The following ADAM9 variants were observed in gnomAD, a reference collection of about 807,000 sequenced individuals.
ADAM9 encodes the protein disintegrin and metalloproteinase domain-containing protein 9.
ADAM9 carries 54 observed loss-of-function variants against 108.1 expected under a neutral mutation model. The observed-to-expected ratio is 0.50, with a 90% CI of 0.40 to 0.63. ADAM9 has a LOEUF of 0.63. ADAM9 is among the 20% of genes least tolerant of loss of function. The pLI is 0.00. For missense variants in ADAM9, 830 were observed against 997.7 expected (o/e 0.83, Z 2.26); for synonymous variants, 316 against 336.0 (o/e 0.94, Z 0.65).
At chr8:39,037,458 G>GTGTGT (rs56848190) in intron 11 of ADAM9, among the ~76,000 whole-genome samples, 4,884 of 126,502 alleles carry the variant, frequency 0.039, 102 homozygotes, top group Non-Finnish European at 0.048. Context: ...GTGTGTGTGT[G>GTGTGT]TTTTTTTTTT....
intron 20 of ADAM9, among the ~76,000 whole-genome samples, chr8:39,098,815 C>T (rs867708348): frequency 6.6e-5 from 10 of 152,082 alleles, no homozygotes; most frequent in Non-Finnish European, 1.2e-4. Flanking sequence ...TGATTGTAAA[C>T]TCACCTTCTT....
At chr8:39,040,871 G>C (rs1837437591) in intron 11 of ADAM9, among the ~76,000 whole-genome samples, 1 of 152,136 alleles carries the variant, frequency 6.6e-6, no homozygotes, top group African/African-American at 2.4e-5. Context: ...TTCAATAAAT[G>C]GTTCTGGGGT....
In ADAM9 at chr8:39,055,644, G is replaced by C. The variant is rs1408971611; in HGVS notation, c.1463G>C (p.Gly488Ala). 6.2e-7 allele frequency: 1 copy of C among 1,613,724 alleles called. No homozygotes were observed. Among genetic ancestry groups the C allele is most frequent in the Non-Finnish European group, 8.5e-7 (1 of 1,179,752 alleles). Residue 488 changes from glycine (G) to alanine (A), a missense_variant, in exon 14 of 22, where the codon GGT (glycine) becomes GCT (alanine). By Grantham distance (60) the Gly-to-Ala change is moderately conservative. This residue lies in a region of ADAM9 where 381 missense variants were observed against 539.8 expected (regional missense o/e 0.71). Transcript: ENST00000487273. ...TGTGATGTTCCAGAGTACTGCAATG[G>C]TTCTTCTCAGTTCTGTCAGCCAGAT... ...SECDVPEYCNGSSQFCQPDVF... is the reference protein window; with the variant it reads ...SECDVPEYCNASSQFCQPDVF...
chr8:39,075,774 T>G (rs1838833988), intron 15 of ADAM9: 1 of 152,218 alleles, frequency 6.6e-6, no homozygotes, highest in South Asian at 2.1e-4. Flanking sequence ...GAGGTCTACT[T>G]TATGCTACAC....
At chr8:39,050,720 A>C (rs201809888) in intron 12 of ADAM9, among the ~76,000 whole-genome samples, 10 of 152,022 alleles carry the variant, frequency 6.6e-5, no homozygotes, top group South Asian at 4.2e-4. Flanking sequence ...GGAGCCTATC[A>C]GTGTTCTGAG....
chr8:39,089,243 T>C (rs1316309056), intron 18 of ADAM9, among the ~76,000 whole-genome samples: 1 of 151,890 alleles, frequency 6.6e-6, no homozygotes, highest in East Asian at 1.9e-4. Context: ...TGAGACTCCA[T>C]CTCGGGAAAA....
intron 18 of ADAM9, among the ~76,000 whole-genome samples, chr8:39,088,569 C>T (rs761593106): frequency 6.6e-6 from 1 of 152,018 alleles, no homozygotes; most frequent in Non-Finnish European, 1.5e-5. Flanking sequence ...TTTTATACAA[C>T]TTTTTACAGA....
intron 2 of ADAM9, among the ~76,000 whole-genome samples, chr8:39,010,392 G>A (rs2129432322): frequency 1.3e-5 from 2 of 152,296 alleles, no homozygotes; most frequent in Middle Eastern, 6.8e-3. Flanking sequence ...TCCCATGCAG[G>A]ATGTGGAGGT....
chr8:39,019,076 A>G (rs910798366), intron 7 of ADAM9, among the ~76,000 whole-genome samples, 158 bp downstream of exon 7: 2 of 152,244 alleles, frequency 1.3e-5, no homozygotes, highest in South Asian at 4.1e-4. Context: ...TTATACCACC[A>G]GAATACCAAC....
chr8:39,071,375 G>A lies in ADAM9; in HGVS notation c.1669G>A (p.Gly557Ser). 7.4e-6 allele frequency: 12 copies of A among 1,613,868 alleles called. No homozygotes were observed. The highest frequency in any genetic ancestry group is 1.0e-5 in the Non-Finnish European group (12 of 1,179,952). The change falls in exon 15 of 22, where the codon GGC becomes AGC. Residue 557 changes from glycine to serine, a missense_variant. By Grantham distance (56) the Gly-to-Ser change is moderately conservative. This residue lies in a region of ADAM9 where 381 missense variants were observed against 539.8 expected (regional missense o/e 0.71). Coordinates refer to ENST00000487273, the MANE Select transcript of ADAM9 (RefSeq NM_003816.3). ...CAGATTTGGCAATTGTGGTTTCTCT[G>A]GCAATGAATACAAGAAGTGTGCCAC... ...GDRFGNCGFS[G>S]NEYKKCATGN...
At chr8:39,077,537 A>G in intron 16 of ADAM9, 126 bp downstream of exon 16, 3 of 954,646 alleles carry the variant, frequency 3.1e-6, no homozygotes, top group Non-Finnish European at 4.5e-6. Context: ...ATTTTAGAAA[A>G]TACAAAGCCA....
intron 15 of ADAM9, among the ~76,000 whole-genome samples, chr8:39,074,465 A>C (rs1313801603): frequency 1.3e-5 from 2 of 152,182 alleles, no homozygotes; most frequent in Non-Finnish European, 2.9e-5. Flanking sequence ...CTTCATCAAG[A>C]TTTTGCTGAA....
intron 12 of ADAM9, among the ~76,000 whole-genome samples, chr8:39,049,047 G>A (rs1382249499): frequency 4.8e-5 from 7 of 145,886 alleles, no homozygotes; most frequent in African/African-American, 7.6e-5. Flanking sequence ...TGTTTTTGTT[G>A]GGGAGTTTAA....
chr8:39,019,944 G>C (rs180797096), intron 7 of ADAM9, among the ~76,000 whole-genome samples: 36 of 152,360 alleles, frequency 2.4e-4, no homozygotes, highest in African/African-American at 6.7e-4. Context: ...TGGGCAAAAA[G>C]CTTCTGTAGA....
chr8:39,100,035 A>AT (rs1479405426), intron 20 of ADAM9, among the ~76,000 whole-genome samples: 1 of 151,704 alleles, frequency 6.6e-6, no homozygotes, highest in African/African-American at 2.4e-5. Flanking sequence ...GTGCGCCATC[A>AT]TGCCCGGGTG....
chr8:39,083,138 C>A, intron 18 of ADAM9, 65 bp downstream of exon 18: 1 of 1,182,024 alleles, frequency 8.5e-7, no homozygotes, highest in South Asian at 1.2e-5. Flanking sequence ...TGGGCATCCT[C>A]GTACCTCTCC....
chr8:39,049,188 G>A (rs1381053436), intron 12 of ADAM9, among the ~76,000 whole-genome samples: 1 of 151,512 alleles, frequency 6.6e-6, no homozygotes, highest in Non-Finnish European at 1.5e-5. Flanking sequence ...TTGATTTTGT[G>A]TGTGTGTTGA....
In ADAM9 at chr8:39,083,073, G is replaced by A; in HGVS notation, c.2068G>A (p.Glu690Lys). 3.1e-6 allele frequency: 5 copies of A among 1,612,678 alleles called. No individual in the cohort carries two copies. Among genetic ancestry groups the A allele is most frequent in the Non-Finnish European group, 4.2e-6 (5 of 1,178,900 alleles). ...GSVDSGPTYNEMNTALRDGLL... is the reference protein window; with the variant it reads ...GSVDSGPTYNKMNTALRDGLL... Reference sequence around the variant, plus strand: ...TGTGGACAGTGGACCTACATACAATGGCAAGTAATATAGAAGAAAATTAGT... The same window carrying A: ...TGTGGACAGTGGACCTACATACAATAGCAAGTAATATAGAAGAAAATTAGT... Residue 690 changes from glutamate (E) to lysine (K), a missense_variant and splice_region_variant, in exon 18 of 22, where the codon GAA (glutamate) becomes AAA (lysine). This residue lies in a region of ADAM9 where 238 missense variants were observed against 235.7 expected (regional missense o/e 1.01). Coordinates refer to ENST00000487273, the MANE Select transcript of ADAM9 (RefSeq NM_003816.3).
rs1295916188 is a variant in ADAM9, at chr8:39,090,094, A to AT, written c.2118dup (p.Val707CysfsTer31). The AT allele has an allele frequency of 6.2e-7, 1 of 1,613,758 alleles. No homozygotes were observed. The highest frequency in any genetic ancestry group is 1.3e-5 in the African/African-American group (1 of 74,888). Reference sequence around the variant, plus strand: ...CGGACTTCTGGTCTTCTTCTTCCTAATTGTTCCCCTTATTGTCTGTGCTAT... The same window carrying AT: ...CGGACTTCTGGTCTTCTTCTTCCTAATTTGTTCCCCTTATTGTCTGTGCTAT... On this transcript the variant is annotated frameshift_variant, in exon 19 of 22. Transcript: ENST00000487273. LOFTEE classifies it high-confidence loss of function.
Sources: allele counts gnomAD v4.1 joint callset (sites outside exome capture counted in the v4.1 genomes callset), GRCh38; gene constraint gnomAD v4.1.1; regional missense constraint gnomAD v4.1.1; transcripts MANE v1.5; gene names NCBI Gene and HGNC (gene_info 2026-07-23, HGNC 2026-07-21).